Variants in PCDH15 observed in about 807,000 individuals in gnomAD.
The protein encoded by PCDH15 is protocadherin-15.
PCDH15 carries 129 observed loss-of-function variants against 178.5 expected under a neutral mutation model. The observed-to-expected ratio is 0.72, with a 90% CI of 0.63 to 0.84. The LOEUF is 0.84. Ranked by LOEUF, PCDH15 falls within the 40% of genes least tolerant of loss-of-function variation. The pLI, the probability that PCDH15 is intolerant of heterozygous loss-of-function variation, is 0.00. For synonymous variants in PCDH15, 800 were observed against 732.0 expected, an observed-to-expected ratio of 1.09 and a Z score of -1.50; for missense variants, 2,230 against 2,099.9, an observed-to-expected ratio of 1.06 and a Z score of -1.21.
intron 2 of PCDH15, among the ~76,000 whole-genome samples, chr10:55,094,974 T>G (rs892919998): frequency 1.4e-5 from 2 of 145,744 alleles, no homozygotes; most frequent in Non-Finnish European, 3.0e-5. Flanking sequence ...CAGGCAAGAG[T>G]GTAGTGGAGT....
intron 20 of PCDH15, among the ~76,000 whole-genome samples, chr10:54,002,894 T>C (rs552927643): frequency 7.2e-5 from 11 of 152,254 alleles, no homozygotes; most frequent in African/African-American, 2.4e-4. Flanking sequence ...CAGCCAGCAG[T>C]GGCAACCCTT....
At chr10:54,538,923 C>T (rs1191283614) in intron 2 of PCDH15, among the ~76,000 whole-genome samples, 2 of 152,096 alleles carry the variant, frequency 1.3e-5, no homozygotes, top group African/African-American at 4.8e-5. Context: ...TTTTTGGTTC[C>T]ATATGAATTT....
chr10:55,060,610 C>T (rs778195727), intron 2 of PCDH15, among the ~76,000 whole-genome samples: 7 of 151,078 alleles, frequency 4.6e-5, no homozygotes, highest in Admixed American at 1.3e-4. Context: ...CATATAGGTG[C>T]CAGCAAAAAT....
intron 7 of PCDH15, 61 bp downstream of exon 7, chr10:54,329,535 T>G: frequency 8.1e-7 from 1 of 1,238,606 alleles, no homozygotes. Context: ...CTGATACATT[T>G]TGGATGAGTT....
At chr10:55,136,359 T>A (rs1302828497) in intron 2 of PCDH15, among the ~76,000 whole-genome samples, 1 of 152,076 alleles carries the variant, frequency 6.6e-6, no homozygotes, top group Non-Finnish European at 1.5e-5. Flanking sequence ...TTTTTTTATT[T>A]TCAAGGAGAA....
intron 21 of PCDH15, among the ~76,000 whole-genome samples, chr10:53,980,599 T>G (rs1023727598): frequency 6.6e-6 from 1 of 152,202 alleles, no homozygotes; most frequent in Non-Finnish European, 1.5e-5. Flanking sequence ...AAAAATTAAC[T>G]AACATCAATG....
At chr10:54,112,149 AT>A (rs1183691751) in intron 15 of PCDH15, among the ~76,000 whole-genome samples, 2 of 151,888 alleles carry the variant, frequency 1.3e-5, no homozygotes, top group African/African-American at 4.8e-5. Flanking sequence ...CTCAAAATAA[AT>A]AAATAAATAA....
At chr10:54,055,679 C>T (rs2093871640) in intron 18 of PCDH15, among the ~76,000 whole-genome samples, 1 of 152,172 alleles carries the variant, frequency 6.6e-6, no homozygotes, top group Admixed American at 6.5e-5. Context: ...CCCCCTCAAC[C>T]TCCATCCACC....
Position 54,004,251 on chromosome 10 carries a change from AC to A in PCDH15, c.2752-8487del, listed in dbSNP as rs577506353. Among the ~76,000 whole-genome samples, 28 of 152,212 alleles carry A rather than the reference AC, an allele frequency of 1.8e-4. 1 individual carries two copies. The South Asian group carries it at 1.9e-3, about 10-fold the overall frequency. On this transcript the variant is annotated intron_variant, in intron 20 of 37. Transcript: ENST00000644397. Reference sequence around the variant, plus strand: ...CACAACCAGGATGCCCACTATCACCACTGTTATTCAATATAGTACTGGAAGT... The same window carrying A: ...CACAACCAGGATGCCCACTATCACCATGTTATTCAATATAGTACTGGAAGT...
intron 2 of PCDH15, among the ~76,000 whole-genome samples, chr10:55,011,763 A>C (rs757124887): frequency 1.3e-5 from 2 of 152,072 alleles, no homozygotes; most frequent in South Asian, 4.1e-4. Context: ...TTTCAAAGAA[A>C]ATTTTAAACA....
Position 55,264,916 on chromosome 10 carries a change from AC to A in PCDH15, c.-156+54682del, listed in dbSNP as rs540907175. On this transcript the variant is annotated intron_variant, in intron 1 of 5. Coordinates refer to the PCDH15 transcript ENST00000458638. ...TTCTATACTTTGCAAGGCAATCCAGACCTTTGCCAACAGTGTAAGATTGACC... is the reference window on the plus strand; with the variant it reads ...TTCTATACTTTGCAAGGCAATCCAGACTTTGCCAACAGTGTAAGATTGACC... 8.1e-3 allele frequency among the ~76,000 whole-genome samples: 1,237 copies of A among 152,152 alleles called. 9 individuals are homozygous for A. Among genetic ancestry groups the A allele is most frequent in the Middle Eastern group, 0.034 (10 of 294 alleles).
chr10:53,859,383 A>C (rs1307564423), intron 27 of PCDH15, among the ~76,000 whole-genome samples: 1 of 152,158 alleles, frequency 6.6e-6, no homozygotes, highest in African/African-American at 2.4e-5. Flanking sequence ...GAAGAAAATG[A>C]GTAGGAGAAA....
chr10:54,304,230 C>G (rs920879473), intron 8 of PCDH15, among the ~76,000 whole-genome samples: 2 of 152,042 alleles, frequency 1.3e-5, no homozygotes, highest in Non-Finnish European at 2.9e-5. Context: ...CATAAGCCAG[C>G]TGCAAGTTGC....
Position 53,805,998 on chromosome 10 carries a change from A to C in PCDH15, c.*581T>G, listed in dbSNP as rs1034549678. 5 of 151,992 alleles carry C rather than the reference A, an allele frequency of 3.3e-5. No homozygotes were observed. The highest frequency in any genetic ancestry group is 2.6e-4 in the Admixed American group (4 of 15,226). The allele number at this position is 151,992 out of a possible 1,614,324, so 9.4% of individuals were successfully genotyped here. A position where few individuals can be genotyped will look rare whatever the true frequency, so the allele number is the denominator to read the frequency against. ...AATGTATTTATGGTAAAATGTGAAA[A>C]CCTTTATACAGGACAATAAAGAAAG... On this transcript the variant is annotated 3_prime_UTR_variant, in exon 38 of 38. Coordinates refer to ENST00000644397, the MANE Select transcript of PCDH15 (RefSeq NM_001384140.1).
chr10:55,520,787 T>C (rs1048988859), intron 2 of PCDH15, among the ~76,000 whole-genome samples: 1 of 151,938 alleles, frequency 6.6e-6, no homozygotes, highest in Non-Finnish European at 1.5e-5. Context: ...TACTCTTCTG[T>C]ATTCTTTTCA....
intron 3 of PCDH15, among the ~76,000 whole-genome samples, chr10:54,819,741 C>A (rs866702273): frequency 6.6e-6 from 1 of 152,052 alleles, no homozygotes; most frequent in Non-Finnish European, 1.5e-5. Context: ...CTGGGAATCA[C>A]TTCTTTTTGT....
chr10:55,537,021 C>T (rs568238651), intron 2 of PCDH15, among the ~76,000 whole-genome samples: 2 of 151,950 alleles, frequency 1.3e-5, no homozygotes, highest in African/African-American at 4.8e-5. Context: ...AGCTTCTCAT[C>T]TAGCCCCAAA....
At chr10:54,256,163 C>T (rs1207952922) in intron 8 of PCDH15, among the ~76,000 whole-genome samples, 1 of 152,130 alleles carries the variant, frequency 6.6e-6, no homozygotes, top group Non-Finnish European at 1.5e-5. Flanking sequence ...ATGTCTAAGA[C>T]TCATCTTTGA....
chr10:53,837,525 A>G (rs2077376944), intron 29 of PCDH15, among the ~76,000 whole-genome samples: 1 of 152,146 alleles, frequency 6.6e-6, no homozygotes, highest in South Asian at 2.1e-4. Flanking sequence ...TTCCCAGGAC[A>G]AATTATTATT....
Sources: allele counts gnomAD v4.1 joint callset (sites outside exome capture counted in the v4.1 genomes callset), GRCh38; gene constraint gnomAD v4.1.1; transcripts MANE v1.5; gene names NCBI Gene and HGNC (gene_info 2026-07-23, HGNC 2026-07-21).